STK3: variants seen among roughly 807,000 people sequenced by gnomAD.
STK3 encodes serine/threonine kinase 3, also known as serine/threonine-protein kinase 3.
STK3 carries 41 observed loss-of-function variants against 58.0 expected under a neutral mutation model. That is an observed-to-expected ratio of 0.71 (90% confidence interval 0.55 to 0.92). The LOEUF (loss-of-function observed/expected upper bound fraction) is 0.92, where lower values mean the gene tolerates loss of function less well. Ranked by LOEUF, STK3 falls within the 40% of genes least tolerant of loss-of-function variation. The pLI is 0.00. For synonymous variants in STK3, 170 were observed against 191.0 expected, an observed-to-expected ratio of 0.89 and a Z score of 0.91; for missense variants, 479 against 602.7, an observed-to-expected ratio of 0.79 and a Z score of 2.15.
intron 6 of STK3, among the ~76,000 whole-genome samples, chr8:98,699,277 A>G (rs1825309225): frequency 6.6e-6 from 1 of 152,050 alleles, no homozygotes; most frequent in Admixed American, 6.5e-5. Flanking sequence ...ATTTTTTTCA[A>G]AGTTTTCAAC....
At position 98,701,637 on chromosome 8, in the gene STK3, T is replaced by A. The variant is rs1366455734; in HGVS notation, c.684+4830A>T. ...ACTTTGTCTCAAAAAAAAATATATA[T>A]ATATATATATCTATACACACACATA... On this transcript the variant is annotated intron_variant, in intron 6 of 10. Transcript: ENST00000419617. Among the ~76,000 whole-genome samples the A allele has an allele frequency of 3.8e-3, 570 of 148,870 alleles. 7 individuals carry two copies. Among genetic ancestry groups the A allele is most frequent in the African/African-American group, 0.013 (538 of 40,266 alleles).
At chr8:98,856,947 C>T (rs956546382) in intron 3 of STK3, among the ~76,000 whole-genome samples, 3 of 152,016 alleles carry the variant, frequency 2.0e-5, no homozygotes, top group African/African-American at 7.3e-5. Context: ...GGGAAAGGAA[C>T]CAGTCACAAA....
intron 8 of STK3, among the ~76,000 whole-genome samples, chr8:98,571,214 T>C (rs893574224): frequency 6.6e-6 from 1 of 152,010 alleles, no homozygotes; most frequent in Non-Finnish European, 1.5e-5. Context: ...CCTGTAACCC[T>C]AGCTACCTGG....
intron 1 of STK3, among the ~76,000 whole-genome samples, chr8:98,778,496 G>C (rs1587596493): frequency 6.6e-6 from 1 of 152,100 alleles, no homozygotes. Flanking sequence ...TCTAGAACTA[G>C]AAATACCGTT....
chr8:98,428,945 G>A lies in STK3; in HGVS notation n.483+5182C>T. 1 of 1,614,088 alleles carries A rather than the reference G, an allele frequency of 6.2e-7. No homozygotes were observed. The highest frequency in any genetic ancestry group is 8.5e-7 in the Non-Finnish European group (1 of 1,180,020). ...GCCTCCGCTCCCTGGGGGCCACTTT[G>A]AAATACAGCTACAAAGAAGTAGGGC... On this transcript the variant is annotated intron_variant and non_coding_transcript_variant, in intron 3 of 3. Coordinates refer to the STK3 transcript ENST00000517832. The surrounding 1 kb of genome is among the most constrained non-coding windows in gnomAD (Gnocchi z 6.7).
At chr8:98,699,465 G>T (rs1718212611) in intron 6 of STK3, among the ~76,000 whole-genome samples, 1 of 151,940 alleles carries the variant, frequency 6.6e-6, no homozygotes, top group African/African-American at 2.4e-5. Context: ...CAGTTTTTCT[G>T]CTCTGTTTTT....
chr8:98,656,710 A>T (rs1821566993), intron 6 of STK3, among the ~76,000 whole-genome samples: 1 of 152,090 alleles, frequency 6.6e-6, no homozygotes, highest in Admixed American at 6.6e-5. Flanking sequence ...GTATGCTTCC[A>T]GTCACTCTAT....
chr8:98,663,632 A>C (rs1174882785), intron 6 of STK3, among the ~76,000 whole-genome samples: 16 of 152,316 alleles, frequency 1.1e-4, no homozygotes, highest in Admixed American at 9.2e-4. Flanking sequence ...AAATGTCTAA[A>C]AATGATAGAG....
At position 98,548,229 on chromosome 8, in the gene STK3, G is replaced by C. The variant is rs1257934658; in HGVS notation, c.949-68C>G. 5.7e-6 allele frequency: 7 copies of C among 1,222,864 alleles called. No homozygotes were observed. The East Asian group carries it at 2.1e-4, about 36-fold the overall frequency. The allele number at this position is 1,222,864 out of a possible 1,614,324, so 75.8% of individuals were successfully genotyped here. A position where few individuals can be genotyped will look rare whatever the true frequency, so the allele number is the denominator to read the frequency against. On this transcript the variant is annotated intron_variant, in intron 8 of 10. Transcript: ENST00000419617. ...AGCTGGATTTCTTAATTCTTAACAA[G>C]AGAATGAATATATTATAGTTTTAAT...
At chr8:98,543,287 C>A (rs1170686993) in intron 9 of STK3, among the ~76,000 whole-genome samples, 1 of 152,122 alleles carries the variant, frequency 6.6e-6, no homozygotes, top group Non-Finnish European at 1.5e-5. Flanking sequence ...GCATATACTG[C>A]TTCTTAACTG....
chr8:98,354,814 G>A, the STK3 span, among the ~76,000 whole-genome samples: 1 of 152,196 alleles, frequency 6.6e-6, no homozygotes, highest in Admixed American at 6.5e-5. Flanking sequence ...GTCTGGCTCT[G>A]TCACCCAGGC....
At chr8:98,923,870 C>T (rs1355540525) in intron 1 of STK3, among the ~76,000 whole-genome samples, 9 of 145,524 alleles carry the variant, frequency 6.2e-5, no homozygotes, top group East Asian at 2.0e-4. Flanking sequence ...CGCGCGCGCG[C>T]GCGCGCGTTG....
intron 4 of STK3, among the ~76,000 whole-genome samples, chr8:98,741,159 C>T (rs975644262): frequency 2.6e-5 from 4 of 152,128 alleles, no homozygotes; most frequent in African/African-American, 9.7e-5. Flanking sequence ...GACTTTAACA[C>T]CCCACTGTCA....
chr8:98,709,926 A>ATTT (rs142232204), intron 4 of STK3, among the ~76,000 whole-genome samples: 2,743 of 150,500 alleles, frequency 0.018, 80 homozygotes, highest in African/African-American at 0.063. Context: ...AGTTTTTGCC[A>ATTT]TTTTTTTTTT....
intron 10 of STK3, among the ~76,000 whole-genome samples, chr8:98,487,885 G>A (rs529074143): frequency 2.1e-4 from 32 of 152,326 alleles, no homozygotes; most frequent in African/African-American, 7.2e-4. Flanking sequence ...CATGAGCCAA[G>A]TTACTTAATT....
At chr8:98,603,640 T>C (rs1224787651) in intron 6 of STK3, among the ~76,000 whole-genome samples, 2 of 152,148 alleles carry the variant, frequency 1.3e-5, no homozygotes, top group African/African-American at 4.8e-5. Flanking sequence ...GCACCCTCAA[T>C]GTAATTTAAT....
intron 10 of STK3, 34 bp downstream of exon 10, chr8:98,526,708 G>T: frequency 6.8e-7 from 1 of 1,477,368 alleles, no homozygotes; most frequent in Non-Finnish European, 9.0e-7. Flanking sequence ...TATAGAAGGA[G>T]AAAACATAAA....
At chr8:98,480,290 G>A (rs1376295286) in intron 10 of STK3, among the ~76,000 whole-genome samples, 4 of 151,254 alleles carry the variant, frequency 2.6e-5, no homozygotes, top group Non-Finnish European at 4.4e-5. Flanking sequence ...AGTTGTGAAA[G>A]GAGACAGAGA....
At position 98,454,751 on chromosome 8, in the gene STK3, T is replaced by C. The variant is rs2131130772; in HGVS notation, c.*1091A>G. 1 of 152,708 alleles carries C rather than the reference T, an allele frequency of 6.5e-6. No individual in the cohort carries two copies. Among genetic ancestry groups the C allele is most frequent in the East Asian group, 1.9e-4 (1 of 5,186 alleles). The allele number at this position is 152,708 out of a possible 1,614,324, so 9.5% of individuals were successfully genotyped here. On this transcript the variant is annotated 3_prime_UTR_variant, in exon 11 of 11. Transcript: ENST00000419617. ...TAGCTTAGGAAATGACTGGTCCCAA[T>C]GCAATCATATAAATGTTCATTCAGC...
Sources: allele counts gnomAD v4.1 joint callset (sites outside exome capture counted in the v4.1 genomes callset), GRCh38; gene constraint gnomAD v4.1.1; non-coding constraint Gnocchi (gnomAD v3.1); transcripts MANE v1.5; gene names NCBI Gene and HGNC (gene_info 2026-07-23, HGNC 2026-07-21).